The following PARG variants were observed in gnomAD, a reference collection of about 807,000 sequenced individuals.
PARG encodes the protein poly(ADP-ribose) glycohydrolase, also known as mitochondrial poly(ADP-ribose) glycohydrolase.
In PARG, 35 loss-of-function variants were observed where a neutral mutation model predicts 113.0. The observed-to-expected ratio is 0.31, with a 90% confidence interval of 0.24 to 0.41. The LOEUF is 0.41. Among genes scored for constraint, PARG ranks in the 10% least tolerant of loss-of-function variants. The probability of loss-of-function intolerance (pLI) is 1.00; values close to 1 mark genes in which losing one functional copy is unlikely to be tolerated. For missense variants in PARG, 797 were observed against 1,169.4 expected (o/e 0.68, Z 4.64); for synonymous variants, 330 against 409.9 (o/e 0.81, Z 2.36).
At chr10:49,902,062 T>C (rs1284808088) in intron 7 of PARG, among the ~76,000 whole-genome samples, 1 of 152,216 alleles carries the variant, frequency 6.6e-6, no homozygotes, top group Non-Finnish European at 1.5e-5. Context: ...CCTACGTGGA[T>C]AGTAGCCAGT....
At chr10:49,883,657 C>T (rs572210343) in intron 8 of PARG, among the ~76,000 whole-genome samples, 63 of 151,828 alleles carry the variant, frequency 4.1e-4, no homozygotes, top group African/African-American at 1.5e-3. Context: ...AAAAATTAGC[C>T]GAGTGTAGTG....
intron 16 of PARG, among the ~76,000 whole-genome samples, chr10:49,828,630 T>A (rs1844492845): frequency 6.6e-6 from 1 of 152,210 alleles, no homozygotes; most frequent in Non-Finnish European, 1.5e-5. Flanking sequence ...AAGAATGTTG[T>A]TAGTAAACTG....
chr10:49,843,481 G>A (rs1477932518), intron 14 of PARG, 73 bp downstream of exon 14: 2 of 510,108 alleles, frequency 3.9e-6, no homozygotes, highest in East Asian at 3.0e-5. Context: ...TAGACAGAAT[G>A]AGAGTGTGTG....
At chr10:49,848,849 G>A (rs1370165521) in intron 13 of PARG, among the ~76,000 whole-genome samples, 3 of 152,102 alleles carry the variant, frequency 2.0e-5, no homozygotes, top group African/African-American at 7.2e-5. Context: ...ATTATACAAT[G>A]AAAACCATAA....
intron 15 of PARG, among the ~76,000 whole-genome samples, chr10:49,841,462 A>G (rs1222818699): frequency 6.6e-6 from 1 of 152,218 alleles, no homozygotes; most frequent in Non-Finnish European, 1.5e-5. Context: ...CTGTAATAAA[A>G]AAGAAAAAAA....
intron 7 of PARG, among the ~76,000 whole-genome samples, chr10:49,895,115 C>A (rs1360224364): frequency 5.3e-5 from 8 of 152,156 alleles, no homozygotes. Context: ...TAACTAGTTA[C>A]ATCTGCAAAG....
intron 13 of PARG, among the ~76,000 whole-genome samples, chr10:49,857,054 G>A (rs1846031927): frequency 6.7e-6 from 1 of 149,208 alleles, no homozygotes; most frequent in Non-Finnish European, 1.5e-5. Flanking sequence ...TGGGGTAACT[G>A]AATAGTTTTT....
At chr10:49,920,930 CCTT>C (rs1300020360) in intron 6 of PARG, among the ~76,000 whole-genome samples, 2 of 152,096 alleles carry the variant, frequency 1.3e-5, no homozygotes, top group Non-Finnish European at 2.9e-5. Flanking sequence ...GCCCCTAAAA[CCTT>C]CTTAGTCACA....
intron 12 of PARG, among the ~76,000 whole-genome samples, chr10:49,858,891 G>A (rs1468106154): frequency 5.3e-5 from 8 of 152,124 alleles, no homozygotes; most frequent in Non-Finnish European, 8.8e-5. Flanking sequence ...TGAGTATTGT[G>A]CTGGGAATCA....
intron 4 of PARG, among the ~76,000 whole-genome samples, chr10:49,931,693 C>CAAA (rs1191457420): frequency 2.0e-4 from 14 of 71,684 alleles, no homozygotes; most frequent in Non-Finnish European, 2.1e-4. Context: ...TGGTCTCCAG[C>CAAA]AAAAAAAAAA....
rs193168369 is a variant in PARG at position 49,901,943 on chromosome 10, G to A, written c.1737+13974C>T. 1.3e-3 allele frequency among the ~76,000 whole-genome samples: 201 copies of A among 152,286 alleles called. 2 individuals are homozygous for A. The highest frequency in any genetic ancestry group is 4.6e-3 in the African/African-American group (191 of 41,560). ...GATGAAAATGTTCTATATCTGTGCTGTCCAGGATGGCAGCCGGCAGCCACA... is the reference window on the plus strand; with the variant it reads ...GATGAAAATGTTCTATATCTGTGCTATCCAGGATGGCAGCCGGCAGCCACA... On this transcript the variant is annotated intron_variant, in intron 7 of 17. Coordinates refer to ENST00000616448, the MANE Select transcript of PARG (RefSeq NM_003631.5).
chr10:49,941,164 T>C (rs1234554578), intron 1 of PARG, among the ~76,000 whole-genome samples: 4 of 152,158 alleles, frequency 2.6e-5, no homozygotes, highest in Non-Finnish European at 2.9e-5. Flanking sequence ...GTTGTTTTCT[T>C]CCTATCTAGA....
chr10:49,887,412 C>G (rs1847548732), intron 7 of PARG, among the ~76,000 whole-genome samples: 2 of 151,672 alleles, frequency 1.3e-5, no homozygotes, highest in Non-Finnish European at 2.9e-5. Flanking sequence ...GATGCAGAAC[C>G]ATTCCACTAC....
chr10:49,874,222 T>C (rs1846835771), intron 9 of PARG, among the ~76,000 whole-genome samples: 3 of 151,232 alleles, frequency 2.0e-5, no homozygotes, highest in Admixed American at 6.6e-5. Flanking sequence ...TTCTAATTCA[T>C]ATGGTTAATG....
intron 4 of PARG, 21 bp downstream of exon 4, chr10:49,932,079 T>C (rs1838513905): frequency 7.4e-6 from 10 of 1,346,302 alleles, no homozygotes; most frequent in South Asian, 3.5e-5. Flanking sequence ...TCTCTCATCA[T>C]AGATAAGAGG....
At chr10:49,889,645 T>G (rs1335095607) in intron 7 of PARG, among the ~76,000 whole-genome samples, 4 of 152,226 alleles carry the variant, frequency 2.6e-5, no homozygotes, top group African/African-American at 9.6e-5. Flanking sequence ...CAGAGAGAAG[T>G]GCCTATTCAA....
intron 7 of PARG, among the ~76,000 whole-genome samples, chr10:49,888,947 A>T (rs1847630554): frequency 6.6e-6 from 1 of 151,812 alleles, no homozygotes; most frequent in South Asian, 2.1e-4. Context: ...TTCCAAGTTC[A>T]CTGATTCTTT....
chr10:49,889,567 C>A (rs1435596525), intron 7 of PARG, among the ~76,000 whole-genome samples: 1 of 152,138 alleles, frequency 6.6e-6, no homozygotes, highest in Non-Finnish European at 1.5e-5. Context: ...TGGTCTTCTA[C>A]CTTTCAGAGT....
intron 16 of PARG, among the ~76,000 whole-genome samples, chr10:49,821,714 C>A (rs1245965217): frequency 6.6e-6 from 1 of 152,034 alleles, no homozygotes; most frequent in Non-Finnish European, 1.5e-5. Context: ...TGATTTTTGA[C>A]AGCATGTTAA....
Sources: gnomAD v4.1 joint callset for allele counts (sites outside exome capture counted in the v4.1 genomes callset) on GRCh38, gnomAD v4.1.1 for gene constraint, MANE v1.5 for transcripts, NCBI Gene and HGNC (gene_info 2026-07-23, HGNC 2026-07-21) for gene names.